DDX52: variants seen among roughly 807,000 people sequenced by gnomAD.
The protein encoded by DDX52 is probable ATP-dependent RNA helicase DDX52.
A neutral mutation model predicts 76.1 loss-of-function variants in DDX52; 59 were observed. The observed-to-expected ratio is 0.78, with a 90% CI of 0.63 to 0.96. The LOEUF (loss-of-function observed/expected upper bound fraction) is 0.96. Among genes scored for constraint, DDX52 ranks in the 40% least tolerant of loss-of-function variants. The probability of loss-of-function intolerance (pLI) is 0.00; values close to 1 mark genes in which losing one functional copy is unlikely to be tolerated. For missense variants in DDX52, 707 were observed against 703.9 expected, an observed-to-expected ratio of 1.00 and a Z score of -0.05; for synonymous variants, 231 against 244.1, an observed-to-expected ratio of 0.95 and a Z score of 0.50.
intron 12 of DDX52, 147 bp from the exon 13 acceptor site, chr17:37,619,986 G>A (rs962857012): frequency 1.4e-6 from 1 of 699,980 alleles, no homozygotes; most frequent in Non-Finnish European, 2.4e-6. Context: ...ATTACCTGAT[G>A]TAAGCACATT....
Position 37,626,058 on chromosome 17 carries a change from C to G in DDX52, c.973G>C (p.Glu325Gln), listed in dbSNP as rs1568602980. 1.2e-6 allele frequency: 2 copies of G among 1,614,110 alleles called. No homozygotes were observed. Among genetic ancestry groups the G allele is most frequent in the Non-Finnish European group, 8.5e-7 (1 of 1,180,008 alleles). ...LVVDESDKLF[E>Q]DGKTGFRDQL... ...TCTCTGAACCCAGTTTTGCCATCTT[C>G]AAACAGTTTATCTGATTCGTCTACT... is the stretch of plus-strand genomic sequence containing the variant. The change falls in exon 8 of 15, where the codon GAA (glutamate) becomes CAA (glutamine). Residue 325 changes from glutamate (E) to glutamine (Q), a missense_variant. Transcript: ENST00000617633.
intron 2 of DDX52, among the ~76,000 whole-genome samples, chr17:37,636,740 CTTGTT>C (rs2030946577): frequency 6.6e-6 from 1 of 152,230 alleles, no homozygotes; most frequent in Admixed American, 6.5e-5. Flanking sequence ...AAATGGATAA[CTTGTT>C]TTAAGAAGGA....
chr17:37,621,428 A>T lies in DDX52; in HGVS notation c.1320T>A (p.Asp440Glu). The change falls in exon 10 of 15, where the codon GAT (aspartate) becomes GAA (glutamate). Residue 440 changes from aspartate (D) to glutamate (E), a missense_variant. Transcript: ENST00000617633. ...GTTGTGTTCTCTCTGCATGAATAAC[A>T]TCCACATTAATACCTTCATATATGA... is the stretch of plus-strand genomic sequence containing the variant. The part of the protein sequence containing the change: ...HELIYEGINV[D>E]VIHAERTQQQ... 6.2e-7 allele frequency: 1 copy of T among 1,613,594 alleles called. No individual in the cohort carries two copies. Among genetic ancestry groups the T allele is most frequent in the South Asian group, 1.1e-5 (1 of 90,884 alleles).
At chr17:37,628,209 G>C (rs1226263102) in intron 6 of DDX52, among the ~76,000 whole-genome samples, 1 of 152,110 alleles carries the variant, frequency 6.6e-6, no homozygotes, top group Non-Finnish European at 1.5e-5. Flanking sequence ...TTCGTTGCAG[G>C]GGACTGTCCT....
intron 6 of DDX52, among the ~76,000 whole-genome samples, chr17:37,627,712 A>G (rs1431761811): frequency 6.3e-5 from 8 of 127,802 alleles, no homozygotes; most frequent in Non-Finnish European, 1.1e-4. Flanking sequence ...ACAAAAAGAA[A>G]AAAAAAAAAA....
intron 12 of DDX52, 154 bp downstream of exon 12, chr17:37,620,719 T>C: frequency 1.6e-6 from 1 of 607,196 alleles, no homozygotes; most frequent in South Asian, 3.2e-5. Flanking sequence ...CTTTTGATCA[T>C]TTTTCCTTTC....
Position 37,632,620 on chromosome 17 carries a change from C to T in DDX52, c.418-322G>A, listed in dbSNP as rs549754017. Among the ~76,000 whole-genome samples the T allele has an allele frequency of 2.6e-5, 4 of 152,266 alleles. No homozygotes were observed. The South Asian group carries it at 6.2e-4, about 24-fold the overall frequency. ...GGTGGTTAACATACAAGTATCATTG[C>T]TTTTTGATGATTTACCCTAAAACTC... On this transcript the variant is annotated intron_variant, in intron 3 of 14. Transcript: ENST00000617633.
chr17:37,624,439 G>A lies in DDX52; in HGVS notation c.1137-5C>T. 1 of 1,596,928 alleles carries A rather than the reference G, an allele frequency of 6.3e-7. No individual in the cohort carries two copies. The highest frequency in any genetic ancestry group is 2.2e-5 in the East Asian group (1 of 44,452). Reference sequence around the variant, plus strand: ...ACAGTTTCTACTGCAGAATTCCTGGGAAGAAAATATACCTTGTAGTTTGTA... The same window carrying A: ...ACAGTTTCTACTGCAGAATTCCTGGAAAGAAAATATACCTTGTAGTTTGTA... On this transcript the variant is annotated splice_region_variant and splice_polypyrimidine_tract_variant and intron_variant, in intron 8 of 14. Coordinates refer to ENST00000617633, the MANE Select transcript of DDX52 (RefSeq NM_007010.5).
rs1190961209 is a variant in DDX52 at position 37,611,475 on chromosome 17, A to C, written c.*2821T>G. ...TTTGCATTTTAGGCTAAGTGTTATG[A>C]CAAGAATCAAAAAAGTTTATAAAGG... On this transcript the variant is annotated 3_prime_UTR_variant, in exon 15 of 15. Transcript: ENST00000617633. 6.6e-6 allele frequency: 1 copy of C among 152,184 alleles called. No individual in the cohort carries two copies. Among genetic ancestry groups the C allele is most frequent in the Non-Finnish European group, 1.5e-5 (1 of 68,032 alleles). The allele number at this position is 152,184 out of a possible 1,614,324, so 9.4% of individuals were successfully genotyped here. A position where few individuals can be genotyped will look rare whatever the true frequency, so the allele number is the denominator to read the frequency against.
At chr17:37,627,983 T>C (rs184686463) in intron 6 of DDX52, among the ~76,000 whole-genome samples, 1 of 152,134 alleles carries the variant, frequency 6.6e-6, no homozygotes, top group Admixed American at 6.5e-5. Flanking sequence ...CTCGCTATGT[T>C]GCCAAGGCTG....
chr17:37,611,979 C>CAAAAA lies in DDX52; in HGVS notation c.*2312_*2316dup, dbSNP rs1300156671. The stretch of plus-strand genomic sequence containing the variant: ...CTCAAAAAAAAAAAAAAAAACAAAA[C>CAAAAA]AAAAAAACTCATAAAGTAAAAGTTA... On this transcript the variant is annotated 3_prime_UTR_variant, in exon 15 of 15. Transcript: ENST00000617633. 1 of 138,426 alleles carries CAAAAA rather than the reference C, an allele frequency of 7.2e-6. No individual in the cohort carries two copies. Among genetic ancestry groups the CAAAAA allele is most frequent in the Non-Finnish European group, 1.6e-5 (1 of 63,822 alleles). The allele number at this position is 138,426 out of a possible 1,614,324, so 8.6% of individuals were successfully genotyped here.
At chr17:37,622,651 T>C (rs553130032) in intron 9 of DDX52, among the ~76,000 whole-genome samples, 107 of 152,302 alleles carry the variant, frequency 7.0e-4, no homozygotes, top group African/African-American at 2.5e-3. Context: ...TAATGAAAGC[T>C]AAGAAACTTT....
At position 37,616,775 on chromosome 17, in the gene DDX52, A is replaced by G. The variant is rs1157633584; in HGVS notation, c.1742+1517T>C. On this transcript the variant is annotated intron_variant, in intron 14 of 14. Transcript: ENST00000617633. ...TTCAAATATACTTTTTTCAGTTTGT[A>G]GCACTTATCCTTCCCAAGTTATTAA... 2.0e-5 allele frequency among the ~76,000 whole-genome samples: 3 copies of G among 152,116 alleles called. No homozygotes were observed. The East Asian group carries it at 5.8e-4, about 29-fold the overall frequency.
At position 37,626,814 on chromosome 17, in the gene DDX52, T is replaced by A; in HGVS notation, c.906A>T (p.Gln302His). The change falls in exon 7 of 15, where the codon CAA becomes CAT. Residue 302 changes from glutamine to histidine, a missense_variant. Transcript: ENST00000617633. ...TPNRLIYLLK[Q>H]DPPGIDLASV... ...TTGCTAGGTCGATTCCGGGGGGATC[T>A]TGCTTTAATAAATAGATTAGTCGAT... 1 of 1,611,854 alleles carries A rather than the reference T, an allele frequency of 6.2e-7. No individual in the cohort carries two copies. The highest frequency in any genetic ancestry group is 8.5e-7 in the Non-Finnish European group (1 of 1,179,328).
intron 5 of DDX52, 95 bp from the exon 6 acceptor site, chr17:37,628,767 C>A: frequency 1.2e-6 from 1 of 866,080 alleles, no homozygotes; most frequent in Non-Finnish European, 1.7e-6. Context: ...TATTACCAAC[C>A]CATGAATATC....
intron 9 of DDX52, 93 bp downstream of exon 9, chr17:37,624,251 T>C (rs2030247990): frequency 2.4e-6 from 2 of 816,686 alleles, no homozygotes; most frequent in African/African-American, 1.7e-5. Context: ...GCCAAGATGA[T>C]GATGATACAG....
chr17:37,616,699 C>G (rs2064430966), intron 14 of DDX52, among the ~76,000 whole-genome samples: 1 of 151,550 alleles, frequency 6.6e-6, no homozygotes, highest in Admixed American at 6.6e-5. Flanking sequence ...TGAAGCATTC[C>G]CAAAACTGAA....
rs1438856618 is a variant in DDX52 at position 37,626,003 on chromosome 17, G to A, written c.1028C>T (p.Thr343Ile). The A allele has an allele frequency of 1.2e-6, 2 of 1,614,036 alleles. No homozygotes were observed. Among genetic ancestry groups the A allele is most frequent in the Non-Finnish European group, 8.5e-7 (1 of 1,180,032 alleles). Residue 343 changes from threonine to isoleucine, a missense_variant, in exon 8 of 15, where the codon ACA (threonine) becomes ATA (isoleucine). By Grantham distance (89) the Thr-to-Ile change is moderately conservative. Transcript: ENST00000617633. ...CATAGCTCTTCGGACCTTGTGGGAT[G>A]TGCAGGCCAGGAAAATGGAAGCCAG... ...DQLASIFLAC[T>I]SHKVRRAMFS...
chr17:37,626,070 C>G lies in DDX52; in HGVS notation c.961G>C (p.Asp321His). 1.2e-6 allele frequency: 2 copies of G among 1,614,138 alleles called. No homozygotes were observed. Among genetic ancestry groups the G allele is most frequent in the Non-Finnish European group, 1.7e-6 (2 of 1,180,020 alleles). The change falls in exon 8 of 15, where the codon GAT becomes CAT. Residue 321 changes from aspartate (D) to histidine (H), a missense_variant. Transcript: ENST00000617633. ...SVEWLVVDESDKLFEDGKTGF... is the reference protein window; with the variant it reads ...SVEWLVVDESHKLFEDGKTGF... ...GTTTTGCCATCTTCAAACAGTTTAT[C>G]TGATTCGTCTACTACAAGCCACTCA...
Sources: allele counts gnomAD v4.1 joint callset (sites outside exome capture counted in the v4.1 genomes callset), GRCh38; gene constraint gnomAD v4.1.1; transcripts MANE v1.5; gene names NCBI Gene and HGNC (gene_info 2026-07-23, HGNC 2026-07-21).